The following COG5 variants were observed in gnomAD, a reference collection of about 807,000 sequenced individuals.
The protein encoded by COG5 is component of oligomeric golgi complex 5, also known as conserved oligomeric Golgi complex subunit 5.
A neutral mutation model predicts 110.4 loss-of-function variants in COG5; 86 were observed. The ratio of observed to expected loss-of-function variants is 0.78; its 90% CI spans 0.65 to 0.93. The LOEUF is 0.93. Ranked by LOEUF, COG5 falls within the 40% of genes least tolerant of loss-of-function variation. COG5 has a pLI of 0.00. For missense variants in COG5, 1,077 were observed against 987.0 expected (o/e 1.09, Z -1.22); for synonymous variants, 360 against 334.6 (o/e 1.08, Z -0.83).
At position 107,563,873 on chromosome 7, in the gene COG5, G is replaced by A. The variant is rs371081089; in HGVS notation, c.24C>T (p.Val8=). Residue 8 remains valine, a synonymous_variant, in exon 1 of 22, where the codon GTC becomes GTT. Coordinates refer to ENST00000297135, the MANE Select transcript of COG5 (RefSeq NM_006348.5). ...CTCGAGCTCCGAGGCCAGCTACAGC[G>A]ACGCTGCCGCCGCCACCTTCCATGT... MEGGGGS[V]AVAGLGARGS... is the part of the protein sequence containing the mutation. The A allele has an allele frequency of 5.0e-6, 8 of 1,613,506 alleles. No individual in the cohort carries two copies. The highest frequency in any genetic ancestry group is 1.7e-5 in the Admixed American group (1 of 60,020).
rs1211223161 is a variant in COG5, at chr7:107,295,097, ATATATTTT to A, written c.1313+3037_1313+3044del. Among the ~76,000 whole-genome samples, 62 of 70,558 alleles carry A rather than the reference ATATATTTT, an allele frequency of 8.8e-4. 1 individual carries two copies. The highest frequency in any genetic ancestry group is 5.3e-3 in the South Asian group (10 of 1,900). The allele number at this position is 70,558 out of a possible 152,430, so 46.3% of individuals were successfully genotyped here. On this transcript the variant is annotated intron_variant, in intron 12 of 21. Transcript: ENST00000297135. ...TATATATATATATATATATATATAT[ATATATTTT>A]TTTTTTTTTTTTGTAGAGTCAGGAT...
intron 11 of COG5, among the ~76,000 whole-genome samples, chr7:107,319,461 A>AT (rs1209394221): frequency 6.6e-6 from 1 of 152,154 alleles, no homozygotes; most frequent in African/African-American, 2.4e-5. Flanking sequence ...CTATATATTG[A>AT]TTCCCATTTT....
chr7:107,248,176 GAA>G (rs781448739), intron 17 of COG5, among the ~76,000 whole-genome samples: 21 of 151,950 alleles, frequency 1.4e-4, no homozygotes, highest in Non-Finnish European at 2.5e-4. Context: ...TGTTCATAAA[GAA>G]AAAGTTTTTA....
intron 6 of COG5, among the ~76,000 whole-genome samples, chr7:107,479,185 C>G (rs565659263): frequency 1.3e-5 from 2 of 151,996 alleles, no homozygotes. Context: ...AATTTAAGAA[C>G]AGTAAAAAGA....
intron 8 of COG5, among the ~76,000 whole-genome samples, chr7:107,368,060 G>T (rs1206488416): frequency 6.6e-6 from 1 of 152,064 alleles, no homozygotes; most frequent in East Asian, 1.9e-4. Flanking sequence ...AATGAGGATG[G>T]GGGGCGGGAA....
intron 7 of COG5, among the ~76,000 whole-genome samples, chr7:107,374,992 A>G (rs192199451): frequency 3.4e-4 from 51 of 152,130 alleles, no homozygotes; most frequent in African/African-American, 1.2e-3. Flanking sequence ...TCATGAAGCT[A>G]AGTATTATCA....
intron 6 of COG5, among the ~76,000 whole-genome samples, chr7:107,448,559 T>C (rs1795146534): frequency 2.6e-5 from 4 of 152,210 alleles, no homozygotes; most frequent in Admixed American, 2.6e-4. Context: ...ATATCTGTCC[T>C]ATTTCCCCCC....
intron 6 of COG5, among the ~76,000 whole-genome samples, chr7:107,457,382 T>C (rs943712887): frequency 7.6e-5 from 11 of 144,564 alleles, no homozygotes; most frequent in Non-Finnish European, 1.2e-4. Context: ...AAAAAAAGCA[T>C]CAATGACATG....
chr7:107,473,529 A>C (rs996004926), intron 6 of COG5, among the ~76,000 whole-genome samples: 1 of 151,902 alleles, frequency 6.6e-6, no homozygotes, highest in South Asian at 2.1e-4. Context: ...AGCATCTTAA[A>C]CTAGTGCTCT....
intron 6 of COG5, among the ~76,000 whole-genome samples, chr7:107,517,346 T>C (rs1434168101): frequency 6.6e-6 from 1 of 151,872 alleles, no homozygotes; most frequent in Non-Finnish European, 1.5e-5. Context: ...TGGAACTATG[T>C]AAAAATAAAG....
chr7:107,527,400 T>C, intron 5 of COG5, 43 bp from the exon 6 acceptor site: 1 of 1,604,766 alleles, frequency 6.2e-7, no homozygotes. Context: ...TCCATGAAGT[T>C]TTATTACTAT....
intron 10 of COG5, among the ~76,000 whole-genome samples, chr7:107,329,013 G>A (rs1387870943): frequency 2.0e-5 from 3 of 152,096 alleles, no homozygotes; most frequent in Non-Finnish European, 4.4e-5. Flanking sequence ...GAGCCTGCAG[G>A]CCTTTGGACT....
intron 6 of COG5, among the ~76,000 whole-genome samples, chr7:107,457,673 C>CT (rs1795750082): frequency 6.6e-6 from 1 of 152,006 alleles, no homozygotes; most frequent in African/African-American, 2.4e-5. Context: ...TCGTGATCCC[C>CT]CCCGCCTCAG....
rs78722121 is a variant in COG5, at chr7:107,495,165, C to A, written c.538+32072G>T. ...AGAAAGCTGGGGCCTTACTAACTTG[C>A]GGTGTCAGAGGACTGAGCTCATGGC... On this transcript the variant is annotated intron_variant, in intron 6 of 21. Coordinates refer to ENST00000297135, the MANE Select transcript of COG5 (RefSeq NM_006348.5). Among the ~76,000 whole-genome samples, 10 of 152,070 alleles carry A rather than the reference C, an allele frequency of 6.6e-5. No homozygotes were observed. In the East Asian group the frequency reaches 1.4e-3, roughly 21 times the overall value.
chr7:107,238,298 T>TGCTAAC (rs1801354679), intron 17 of COG5, among the ~76,000 whole-genome samples: 1 of 152,202 alleles, frequency 6.6e-6, no homozygotes, highest in African/African-American at 2.4e-5. Flanking sequence ...TGTAGGTTCA[T>TGCTAAC]CTATTTGTTG....
chr7:107,213,162 A>T (rs1261717307), intron 19 of COG5, among the ~76,000 whole-genome samples: 1 of 152,066 alleles, frequency 6.6e-6, no homozygotes, highest in African/African-American at 2.4e-5. Context: ...CCTACCTACA[A>T]AGCTGAGTCG....
chr7:107,280,876 A>C (rs1197351676), intron 14 of COG5, among the ~76,000 whole-genome samples: 1 of 152,048 alleles, frequency 6.6e-6, no homozygotes, highest in Non-Finnish European at 1.5e-5. Context: ...TTCCTCCAAC[A>C]GTTTTCTAAC....
At chr7:107,326,910 A>G (rs997168001) in intron 10 of COG5, among the ~76,000 whole-genome samples, 1 of 152,206 alleles carries the variant, frequency 6.6e-6, no homozygotes, top group Admixed American at 6.5e-5. Flanking sequence ...GGTGCAGTGG[A>G]ACACACCTGT....
Position 107,558,108 on chromosome 7 carries a change from A to T in COG5, c.102T>A (p.Tyr34Ter). Reference sequence around the variant, plus strand: ...CAAAGTCTTCGTTTAAAAAGTCACTATAACACCCTGGATTGGGGAAAAAAT... The same window carrying T: ...CAAAGTCTTCGTTTAAAAAGTCACTTTAACACCCTGGATTGGGGAAAAAAT... Reference protein sequence around the residue: ...TVRELLQDGCYSDFLNEDFDV... With the variant: ...TVRELLQDGC Residue 34 changes from tyrosine (Y) to a stop codon, truncating the protein, a stop_gained, in exon 2 of 22, where the codon TAT becomes TAA. Coordinates refer to ENST00000297135, the MANE Select transcript of COG5 (RefSeq NM_006348.5). LOFTEE classifies it high-confidence loss of function. 1 of 1,613,798 alleles carries T rather than the reference A, an allele frequency of 6.2e-7. No homozygotes were observed. Among genetic ancestry groups the T allele is most frequent in the Non-Finnish European group, 8.5e-7 (1 of 1,179,856 alleles).
Sources: gnomAD v4.1 joint callset for allele counts (sites outside exome capture counted in the v4.1 genomes callset) on GRCh38, gnomAD v4.1.1 for gene constraint, MANE v1.5 for transcripts, NCBI Gene and HGNC (gene_info 2026-07-23, HGNC 2026-07-21) for gene names.